Variants in SOX5 observed in about 807,000 individuals in gnomAD.
SOX5 encodes the protein SRY-box transcription factor 5.
Under a neutral mutation model 92.0 loss-of-function variants are expected in SOX5, and 9 were observed. That is an observed-to-expected ratio of 0.10 (90% CI 0.06 to 0.17). The LOEUF (loss-of-function observed/expected upper bound fraction) is 0.17. Ranked by LOEUF, SOX5 falls within the 10% of genes least tolerant of loss-of-function variation. The pLI is 1.00. For missense variants in SOX5, 642 were observed against 944.5 expected (o/e 0.68, Z 4.20); for synonymous variants, 344 against 336.3 (o/e 1.02, Z -0.25).
intron 4 of SOX5, among the ~76,000 whole-genome samples, chr12:24,093,908 T>C (rs770474083): frequency 2.3e-4 from 35 of 152,134 alleles, no homozygotes; most frequent in Non-Finnish European, 5.0e-4. Context: ...GCATTCATTT[T>C]AGGCAATCTG....
At chr12:24,212,387 T>A (rs1958719680) in intron 4 of SOX5, 1 of 533,094 alleles carries the variant, frequency 1.9e-6, no homozygotes, top group Non-Finnish European at 3.9e-6. Context: ...AAGACATTTA[T>A]CTCTCTGTAT....
intron 3 of SOX5, among the ~76,000 whole-genome samples, chr12:24,235,811 A>G (rs1486374881): frequency 6.6e-6 from 1 of 152,184 alleles, no homozygotes; most frequent in Non-Finnish European, 1.5e-5. Context: ...AAAGCTACTT[A>G]TATCCAAGAC....
At chr12:23,769,692 G>A (rs950631350) in intron 3 of SOX5, among the ~76,000 whole-genome samples, 8 of 152,050 alleles carry the variant, frequency 5.3e-5, no homozygotes, top group Admixed American at 2.0e-4. Context: ...AATAGGGGCC[G>A]GTCTACAACT....
At chr12:23,915,519 G>T (rs1378321543) in intron 1 of SOX5, among the ~76,000 whole-genome samples, 1 of 151,758 alleles carries the variant, frequency 6.6e-6, no homozygotes, top group Admixed American at 6.6e-5. Context: ...CTTACAACTG[G>T]CTCTGAAGCA....
At chr12:24,295,832 T>C (rs886430298) in intron 2 of SOX5, among the ~76,000 whole-genome samples, 1 of 152,194 alleles carries the variant, frequency 6.6e-6, no homozygotes, top group African/African-American at 2.4e-5. Flanking sequence ...CCTCCCAAAA[T>C]GCTGGGTGGC....
At chr12:24,234,616 G>T (rs1417399087) in intron 3 of SOX5, among the ~76,000 whole-genome samples, 1 of 152,156 alleles carries the variant, frequency 6.6e-6, no homozygotes, top group Non-Finnish European at 1.5e-5. Flanking sequence ...GACCTCTGGT[G>T]ATCCATCCAC....
intron 6 of SOX5, among the ~76,000 whole-genome samples, chr12:23,685,298 T>G (rs2087327297): frequency 6.6e-6 from 1 of 152,090 alleles, no homozygotes; most frequent in Admixed American, 6.6e-5. Flanking sequence ...GAAATTATAA[T>G]CTCACGGTTA....
intron 6 of SOX5, among the ~76,000 whole-genome samples, chr12:23,701,311 C>A (rs1050692815): frequency 6.6e-6 from 1 of 151,958 alleles, no homozygotes; most frequent in Non-Finnish European, 1.5e-5. Context: ...AAATCATACA[C>A]AAGCTTTTCT....
chr12:24,423,139 T>A (rs1381983343), intron 1 of SOX5, among the ~76,000 whole-genome samples: 1 of 152,214 alleles, frequency 6.6e-6, no homozygotes, highest in Admixed American at 6.5e-5. Flanking sequence ...TAGAAGTATA[T>A]TCTAAGACTT....
intron 3 of SOX5, among the ~76,000 whole-genome samples, chr12:23,784,487 C>T (rs546120337): frequency 2.6e-5 from 4 of 152,060 alleles, no homozygotes; most frequent in Non-Finnish European, 4.4e-5. Flanking sequence ...CCACCACGCC[C>T]GGCTAATTTT....
At chr12:23,831,628 C>CCATA (rs1418324629) in intron 3 of SOX5, among the ~76,000 whole-genome samples, 1 of 151,812 alleles carries the variant, frequency 6.6e-6, no homozygotes, top group African/African-American at 2.4e-5. Flanking sequence ...TTTTTAAAGT[C>CCATA]CATACTAAAG....
chr12:24,191,900 C>G (rs911870414), intron 4 of SOX5, among the ~76,000 whole-genome samples: 1 of 152,178 alleles, frequency 6.6e-6, no homozygotes, highest in Non-Finnish European at 1.5e-5. Flanking sequence ...AAAGCTCTAT[C>G]ATACAGAATC....
chr12:23,653,390 C>T (rs946374842), intron 7 of SOX5, among the ~76,000 whole-genome samples: 3 of 151,920 alleles, frequency 2.0e-5, no homozygotes, highest in Non-Finnish European at 2.9e-5. Context: ...ACTTGAGACC[C>T]CTCACACTAA....
intron 2 of SOX5, among the ~76,000 whole-genome samples, chr12:24,354,699 G>A (rs1031493187): frequency 1.3e-5 from 2 of 152,186 alleles, no homozygotes; most frequent in Non-Finnish European, 2.9e-5. Context: ...TAAATGATAG[G>A]AAAGGTGACC....
chr12:23,981,244 T>G (rs1949543823), intron 4 of SOX5, among the ~76,000 whole-genome samples: 1 of 152,090 alleles, frequency 6.6e-6, no homozygotes, highest in South Asian at 2.1e-4. Flanking sequence ...TAGCCTTCAT[T>G]TAGGGATTTT....
rs575397117 is a variant in SOX5, at chr12:23,856,714, G to A, written c.271-10521C>T. 7.9e-5 allele frequency among the ~76,000 whole-genome samples: 12 copies of A among 152,136 alleles called. No homozygotes were observed. In the South Asian group the frequency reaches 1.0e-3, roughly 13 times the overall value. ...AAAGAGTTTAAAATTAAATTTGAGAGGCACTGAAATGCACCTGAAATAATT... is the reference window on the plus strand; with the variant it reads ...AAAGAGTTTAAAATTAAATTTGAGAAGCACTGAAATGCACCTGAAATAATT... On this transcript the variant is annotated intron_variant, in intron 2 of 14. Transcript: ENST00000451604.
chr12:24,459,493 G>A (rs1943388370), intron 1 of SOX5, among the ~76,000 whole-genome samples: 2 of 152,142 alleles, frequency 1.3e-5, no homozygotes, highest in African/African-American at 4.8e-5. Flanking sequence ...ATATAAGTAC[G>A]ATAATCCTAA....
intron 1 of SOX5, among the ~76,000 whole-genome samples, chr12:24,452,601 C>A (rs778991471): frequency 6.6e-6 from 1 of 152,082 alleles, no homozygotes; most frequent in Non-Finnish European, 1.5e-5. Flanking sequence ...CATCACCCTG[C>A]CTGTTAGAAT....
intron 2 of SOX5, among the ~76,000 whole-genome samples, chr12:24,315,699 TATC>T (rs1216377918): frequency 1.3e-5 from 2 of 152,206 alleles, no homozygotes; most frequent in Non-Finnish European, 2.9e-5. Context: ...TTTAAATAGT[TATC>T]ATCCAGCAAA....
Sources: allele counts gnomAD v4.1 joint callset (sites outside exome capture counted in the v4.1 genomes callset), GRCh38; gene constraint gnomAD v4.1.1; transcripts MANE v1.5; gene names NCBI Gene and HGNC (gene_info 2026-07-23, HGNC 2026-07-21).